The following HUWE1 variants were observed in gnomAD, a reference collection of about 807,000 sequenced individuals.
HUWE1 encodes E3 ubiquitin-protein ligase HUWE1.
Under a neutral mutation model 299.4 loss-of-function variants are expected in HUWE1, and 18 were observed. The observed-to-expected ratio is 0.06, with a 90% CI of 0.04 to 0.09. The LOEUF is 0.09. Among genes scored for constraint, HUWE1 ranks in the 10% least tolerant of loss-of-function variants. The pLI is 1.00. For missense variants in HUWE1, 1,832 were observed against 3,462.3 expected (o/e 0.53, Z 11.82); for synonymous variants, 1,317 against 1,286.1 (o/e 1.02, Z -0.51).
Position 53,536,800 on chromosome X carries a change from C to T in HUWE1, c.12138-133G>A, listed in dbSNP as rs72620326. 7.8e-4 allele frequency: 432 copies of T among 551,769 alleles called. 1 individual carries two copies. In the East Asian group the frequency reaches 0.013, roughly 16 times the overall value. The allele number at this position is 551,769 out of a possible 1,213,427, so 45.5% of individuals were successfully genotyped here. On this transcript the variant is annotated intron_variant, in intron 78 of 83. Transcript: ENST00000262854. ...CAGATGAAGAGGTAAACAGAGAGTG[C>T]CAGGACAGCCCAGAAATGGGGTGGA... is the stretch of plus-strand genomic sequence containing the variant.
chrX:53,643,144 T>G (rs963472214), intron 7 of HUWE1, among the ~76,000 whole-genome samples: 1 of 112,208 alleles, frequency 8.9e-6, no homozygotes, highest in African/African-American at 3.2e-5. Flanking sequence ...ATGTGTTTTT[T>G]GTTGGGAAGT....
chrX:53,538,327 G>C lies in HUWE1; in HGVS notation c.11996+10C>G, dbSNP rs2061159839. The stretch of plus-strand genomic sequence containing the variant: ...CCACCCCTCTACCCCCCAATATCCA[G>C]GACACATACTTGCGCTTGACATCAA... On this transcript the variant is annotated intron_variant, in intron 77 of 83. Transcript: ENST00000262854. 1 of 1,137,195 alleles carries C rather than the reference G, an allele frequency of 8.8e-7. No homozygotes were observed. Among genetic ancestry groups the C allele is most frequent in the African/African-American group, 1.8e-5 (1 of 55,472 alleles). The allele number at this position is 1,137,195 out of a possible 1,213,427, so 93.7% of individuals were successfully genotyped here.
intron 25 of HUWE1, among the ~76,000 whole-genome samples, chrX:53,605,098 T>C (rs1281885986): frequency 8.9e-6 from 1 of 112,410 alleles, no homozygotes; most frequent in African/African-American, 3.2e-5. Context: ...AACTGAATAC[T>C]GTTACGGCAA....
chrX:53,648,540 C>CAAAA (rs200558034), intron 4 of HUWE1, among the ~76,000 whole-genome samples: 1 of 85,744 alleles, frequency 1.2e-5, no homozygotes, highest in African/African-American at 6.9e-5. Flanking sequence ...CAAAAAAAAA[C>CAAAA]AAAAAAAAAC....
intron 2 of HUWE1, among the ~76,000 whole-genome samples, chrX:53,683,399 T>A (rs782656963): frequency 2.7e-5 from 3 of 109,704 alleles, no homozygotes; most frequent in African/African-American, 6.7e-5. Flanking sequence ...TTCATCCGGG[T>A]CGTCGGAGGT....
intron 19 of HUWE1, among the ~76,000 whole-genome samples, chrX:53,619,323 TAG>T (rs782183086): frequency 2.4e-4 from 27 of 111,443 alleles, no homozygotes; most frequent in East Asian, 2.2e-3. Flanking sequence ...ATGAATTCTA[TAG>T]AGTTACTAAA....
At chrX:53,625,020 A>G in intron 18 of HUWE1, 137 bp downstream of exon 18, 3 of 497,833 alleles carry the variant, frequency 6.0e-6, no homozygotes, top group Non-Finnish European at 3.6e-6. Context: ...GACACAAAAC[A>G]ACTAAAAGCT....
Position 53,576,916 on chromosome X carries a change from G to A in HUWE1, c.5868C>T (p.Tyr1956=), listed in dbSNP as rs782328274. Residue 1956 remains tyrosine, a synonymous_variant, in exon 44 of 84, where the codon TAC becomes TAT. Coordinates refer to ENST00000262854, the MANE Select transcript of HUWE1 (RefSeq NM_031407.7). ...GCCACATACCTTCCTCTGGAGCATG[G>A]TATGCAGCCAGAGCATTCAGCATAT... ...IYDMLNALAA[Y]HAPEEADKSD... 4 of 1,210,272 alleles carry A rather than the reference G, an allele frequency of 3.3e-6. No individual in the cohort carries two copies. Among genetic ancestry groups the A allele is most frequent in the Non-Finnish European group, 4.5e-6 (4 of 894,282 alleles).
chrX:53,675,284 A>G (rs1557050733), intron 3 of HUWE1, among the ~76,000 whole-genome samples: 1 of 111,577 alleles, frequency 9.0e-6, no homozygotes, highest in African/African-American at 3.3e-5. Flanking sequence ...TGGTATTGTA[A>G]TGTCAACTGC....
intron 33 of HUWE1, among the ~76,000 whole-genome samples, chrX:53,591,367 G>T (rs959598540): frequency 1.8e-5 from 2 of 111,130 alleles, no homozygotes; most frequent in African/African-American, 6.6e-5. Context: ...GAAAGTTAGG[G>T]GGGGATGCAT....
chrX:53,654,077 T>G lies in HUWE1; in HGVS notation c.31A>C (p.Thr11Pro). 1 of 1,189,753 alleles carries G rather than the reference T, an allele frequency of 8.4e-7. No individual in the cohort carries two copies. Among genetic ancestry groups the G allele is most frequent in the Non-Finnish European group, 1.1e-6 (1 of 876,167 alleles). The change falls in exon 4 of 84, where the codon ACA (threonine) becomes CCA (proline). Residue 11 changes from threonine (T) to proline (P), a missense_variant. Physicochemically the swap from Thr to Pro is conservative, Grantham distance 38. Transcript: ENST00000262854. MKVDRTKLKK[T>P]PTEAPADCRA... ...TGGATACTTACAGCCTCAGTAGGTGTCTTCTTCAGTTTAGTCCTGTCTACT... is the reference window on the plus strand; with the variant it reads ...TGGATACTTACAGCCTCAGTAGGTGGCTTCTTCAGTTTAGTCCTGTCTACT...
intron 3 of HUWE1, among the ~76,000 whole-genome samples, chrX:53,655,371 T>C (rs2068697158): frequency 8.9e-6 from 1 of 111,813 alleles, no homozygotes; most frequent in African/African-American, 3.2e-5. Context: ...CCTGTATCCA[T>C]TCAATCAGCA....
chrX:53,541,777 G>T (rs1189331961), intron 74 of HUWE1, among the ~76,000 whole-genome samples: 11 of 111,869 alleles, frequency 9.8e-5, no homozygotes, highest in African/African-American at 3.6e-4. Context: ...AAGGCAGGAG[G>T]ATCGATTGAG....
rs781885677 is a variant in HUWE1, at chrX:53,647,701, C to A, written c.145-127G>T. 498 of 553,709 alleles carry A rather than the reference C, an allele frequency of 9.0e-4. 1 individual carries two copies. The African/African-American group carries it at 9.7e-3, about 11-fold the overall frequency. The allele number at this position is 553,709 out of a possible 1,213,427, so 45.6% of individuals were successfully genotyped here. A position where few individuals can be genotyped will look rare whatever the true frequency, so the allele number is the denominator to read the frequency against. On this transcript the variant is annotated intron_variant, in intron 5 of 83. Coordinates refer to ENST00000262854, the MANE Select transcript of HUWE1 (RefSeq NM_031407.7). ...TAGACAAGTTCACGTCCCACCCTTG[C>A]CCATATGAGAAAGATCATACTCTGA...
At chrX:53,538,510 A>G in intron 76 of HUWE1, 56 bp from the exon 77 acceptor site, 1 of 841,420 alleles carries the variant, frequency 1.2e-6, no homozygotes, top group Non-Finnish European at 1.8e-6. Flanking sequence ...AGAAGCTGTA[A>G]GACAGCCAAC....
At chrX:53,646,787 T>TA (rs2068082402) in intron 6 of HUWE1, among the ~76,000 whole-genome samples, 1 of 112,243 alleles carries the variant, frequency 8.9e-6, no homozygotes, top group Non-Finnish European at 1.9e-5. Flanking sequence ...GGCACCTAAC[T>TA]AATGATGATA....
In HUWE1 at chrX:53,548,208, C is replaced by T. The variant is rs41306894; in HGVS notation, c.10101G>A (p.Arg3367=). 11,953 of 1,208,499 alleles carry T rather than the reference C, an allele frequency of 9.9e-3. 56 individuals are homozygous for T. Among genetic ancestry groups the T allele is most frequent in the Non-Finnish European group, 0.011 (10,008 of 894,216 alleles). ...AGCATGGGCTACAGGCCTTATTGCCCCTTTCCCGATCACTCTCACAGTTTG... is the reference window on the plus strand; with the variant it reads ...AGCATGGGCTACAGGCCTTATTGCCTCTTTCCCGATCACTCTCACAGTTTG... The part of the protein sequence containing the change: ...KETNCESDRE[R]GNKACSPCSS... The change falls in exon 68 of 84, where the codon AGG becomes AGA. Residue 3367 remains arginine, a synonymous_variant. Coordinates refer to ENST00000262854, the MANE Select transcript of HUWE1 (RefSeq NM_031407.7).
At position 53,630,925 on chromosome X, in the gene HUWE1, C is replaced by T. The variant is rs781902177; in HGVS notation, c.862+10G>A. The T allele has an allele frequency of 8.7e-6, 9 of 1,037,068 alleles. No individual in the cohort carries two copies. Among genetic ancestry groups the T allele is most frequent in the Non-Finnish European group, 1.2e-5 (9 of 736,268 alleles). The allele number at this position is 1,037,068 out of a possible 1,213,427, so 85.5% of individuals were successfully genotyped here. On this transcript the variant is annotated intron_variant, in intron 12 of 83. Transcript: ENST00000262854. ...AATACGGCCTGGTAATTAAAGTATT[C>T]TTCTCTTACCTAATATAGATATTGC...
chrX:53,554,735 T>G lies in HUWE1; in HGVS notation c.8392A>C (p.Thr2798Pro), dbSNP rs781986018. 1.5e-5 allele frequency: 18 copies of G among 1,208,809 alleles called. No individual in the cohort carries two copies. The Admixed American group carries it at 2.4e-4, about 16-fold the overall frequency. ...GGCTCTACAGGCATCAATAGCTGTG[T>G]AGAGCTGCCCCCTTCTCCAGCTGGA... ...QSPAGEGGSS[T>P]QLLMPVEPEE... is the part of the protein sequence containing the mutation. Residue 2798 changes from threonine to proline, a missense_variant, in exon 61 of 84, where the codon ACA (threonine) becomes CCA (proline). Thr to Pro is a conservative substitution (Grantham distance 38, BLOSUM62 -1). This residue lies in a region of HUWE1 where 143 missense variants were observed against 148.1 expected (regional missense o/e 0.97). Transcript: ENST00000262854.
Sources: allele counts gnomAD v4.1 joint callset (sites outside exome capture counted in the v4.1 genomes callset), GRCh38; gene constraint gnomAD v4.1.1; regional missense constraint gnomAD v4.1.1; transcripts MANE v1.5; gene names NCBI Gene and HGNC (gene_info 2026-07-23, HGNC 2026-07-21).